LINGO2: variants seen among roughly 807,000 people sequenced by gnomAD.
The protein encoded by LINGO2 is leucine rich repeat and Ig domain containing 2, also known as leucine-rich repeat and immunoglobulin-like domain-containing nogo receptor-interacting protein 2.
Under a neutral mutation model 30.6 loss-of-function variants are expected in LINGO2, and 14 were observed. The ratio of observed to expected loss-of-function variants is 0.46; its 90% CI spans 0.30 to 0.72. The LOEUF (loss-of-function observed/expected upper bound fraction) is 0.72, where lower values mean the gene tolerates loss of function less well. Among genes scored for constraint, LINGO2 ranks in the 30% least tolerant of loss-of-function variants. The pLI is 0.07. For missense variants in LINGO2, 729 were observed against 751.7 expected (o/e 0.97, Z 0.35); for synonymous variants, 317 against 288.5 (o/e 1.10, Z -1.00).
At chr9:29,002,672 G>T in the LINGO2 span, among the ~76,000 whole-genome samples, 10 of 152,008 alleles carry the variant, frequency 6.6e-5, no homozygotes, top group African/African-American at 2.4e-4. Context: ...ATTTACCTGC[G>T]CTCTGTCACT....
intron 1 of LINGO2, among the ~76,000 whole-genome samples, chr9:28,651,589 G>A (rs1368198804): frequency 1.3e-5 from 2 of 152,060 alleles, no homozygotes; most frequent in Non-Finnish European, 2.9e-5. Context: ...TCCCTGGGGA[G>A]GTCTCTATTT....
rs147312271 is a variant in LINGO2 at position 28,382,794 on chromosome 9, T to C, written c.-278-9926A>G. On this transcript the variant is annotated intron_variant, in intron 2 of 5. Coordinates refer to ENST00000379992, the Ensembl canonical transcript of LINGO2. The stretch of plus-strand genomic sequence containing the variant: ...TTGTCCCCATGATTCATTTTCTTAA[T>C]CTGTAAAATGGGGATAGTAATAAAT... 1.6e-4 allele frequency among the ~76,000 whole-genome samples: 25 copies of C among 152,248 alleles called. No individual in the cohort carries two copies. The East Asian group carries it at 4.8e-3, about 29-fold the overall frequency.
chr9:27,973,902 C>T (rs1820471644), intron 5 of LINGO2, among the ~76,000 whole-genome samples: 1 of 152,124 alleles, frequency 6.6e-6, no homozygotes, highest in Admixed American at 6.6e-5. Flanking sequence ...ACATATAAGG[C>T]ACATTCCTGT....
chr9:28,429,236 A>T (rs1189894076), intron 2 of LINGO2, among the ~76,000 whole-genome samples: 1 of 152,208 alleles, frequency 6.6e-6, no homozygotes, highest in South Asian at 2.1e-4. Context: ...CATTGCAAAG[A>T]CACTGTGCAT....
chr9:29,151,698 C>G, the LINGO2 span, among the ~76,000 whole-genome samples: 1 of 152,098 alleles, frequency 6.6e-6, no homozygotes, highest in Non-Finnish European at 1.5e-5. Context: ...CAAAATTTAA[C>G]TATTCTAAAT....
intron 1 of LINGO2, among the ~76,000 whole-genome samples, chr9:28,486,077 T>A (rs923905420): frequency 3.9e-5 from 6 of 152,104 alleles, no homozygotes; most frequent in African/African-American, 1.4e-4. Flanking sequence ...CTCTCGGAAT[T>A]AATTTCAATT....
chr9:28,454,492 T>C (rs577369643), intron 2 of LINGO2, among the ~76,000 whole-genome samples: 44 of 152,100 alleles, frequency 2.9e-4, no homozygotes, highest in African/African-American at 9.9e-4. Flanking sequence ...TTAGAGGGCA[T>C]GGTAGACATG....
intron 4 of LINGO2, among the ~76,000 whole-genome samples, chr9:28,160,464 G>C (rs1019504216): frequency 1.3e-5 from 2 of 152,116 alleles, no homozygotes; most frequent in African/African-American, 4.8e-5. Context: ...CTAATTATCT[G>C]CTACCTTTCT....
At chr9:28,379,645 G>A (rs1258970838) in intron 2 of LINGO2, among the ~76,000 whole-genome samples, 3 of 152,066 alleles carry the variant, frequency 2.0e-5, no homozygotes, top group African/African-American at 7.2e-5. Flanking sequence ...CCACAAACAC[G>A]AATGCTATTG....
Position 28,377,692 on chromosome 9 carries a change from C to T in LINGO2, c.-278-4824G>A, listed in dbSNP as rs75097345. On this transcript the variant is annotated intron_variant, in intron 2 of 5. Coordinates refer to ENST00000379992, the Ensembl canonical transcript of LINGO2. ...GACCAAAATCCTTAATTATACTAGC[C>T]TATTTGCAAAGAACAATATGATACT... Among the ~76,000 whole-genome samples, 451 of 152,216 alleles carry T rather than the reference C, an allele frequency of 3.0e-3. 2 individuals are homozygous for T. Among genetic ancestry groups the T allele is most frequent in the African/African-American group, 0.011 (437 of 41,532 alleles).
the LINGO2 span, among the ~76,000 whole-genome samples, chr9:28,915,286 C>T: frequency 6.6e-6 from 1 of 152,250 alleles, no homozygotes; most frequent in East Asian, 1.9e-4. Context: ...TGTTCACAGT[C>T]ACTTCTTCAA....
At chr9:28,207,981 C>CT (rs1294204340) in intron 4 of LINGO2, among the ~76,000 whole-genome samples, 1 of 151,864 alleles carries the variant, frequency 6.6e-6, no homozygotes, top group African/African-American at 2.4e-5. Context: ...TCAAAGTCTG[C>CT]TTTTTGGCTT....
chr9:28,718,990 C>T, the LINGO2 span, among the ~76,000 whole-genome samples: 1 of 152,024 alleles, frequency 6.6e-6, no homozygotes, highest in Non-Finnish European at 1.5e-5. Flanking sequence ...AGTGCTTCTA[C>T]TCAGACTCTG....
the LINGO2 span, among the ~76,000 whole-genome samples, chr9:28,901,791 C>T: frequency 2.0e-5 from 3 of 151,446 alleles, no homozygotes; most frequent in African/African-American, 7.3e-5. Flanking sequence ...TAGAAAGGAA[C>T]AAATAAGTTA....
At chr9:28,654,317 T>A (rs1459912267) in intron 1 of LINGO2, among the ~76,000 whole-genome samples, 1 of 152,124 alleles carries the variant, frequency 6.6e-6, no homozygotes, top group Admixed American at 6.6e-5. Context: ...AAGCAATTCA[T>A]GTTTAATTAA....
the LINGO2 span, among the ~76,000 whole-genome samples, chr9:28,929,211 G>A: frequency 4.3e-4 from 65 of 152,144 alleles, no homozygotes; most frequent in African/African-American, 1.5e-3. Flanking sequence ...TTCCCTAAGG[G>A]GAGATACATG....
chr9:28,829,301 C>G, the LINGO2 span, among the ~76,000 whole-genome samples: 1 of 152,164 alleles, frequency 6.6e-6, no homozygotes, highest in South Asian at 2.1e-4. Flanking sequence ...ATAAAATCCT[C>G]CACATGTACT....
At chr9:28,779,555 A>T in the LINGO2 span, among the ~76,000 whole-genome samples, 1 of 152,158 alleles carries the variant, frequency 6.6e-6, no homozygotes, top group Admixed American at 6.5e-5. Context: ...ACTTCAAGAT[A>T]GTCAATGAGT....
At position 28,452,673 on chromosome 9, in the gene LINGO2, T is replaced by C. The variant is rs1436323374; in HGVS notation, c.-279+23267A>G. 3.3e-5 allele frequency among the ~76,000 whole-genome samples: 5 copies of C among 151,940 alleles called. No homozygotes were observed. In the East Asian group the frequency reaches 9.7e-4, roughly 29 times the overall value. On this transcript the variant is annotated intron_variant, in intron 2 of 5. Transcript: ENST00000379992. ...GAAAGTGATTGCATACAAGAAGTGA[T>C]TACATCTGTTGGTCAAGGAAGGTTT...
Sources: gnomAD v4.1 joint callset for allele counts (sites outside exome capture counted in the v4.1 genomes callset) on GRCh38, gnomAD v4.1.1 for gene constraint, MANE v1.5 for transcripts, NCBI Gene and HGNC (gene_info 2026-07-23, HGNC 2026-07-21) for gene names.